The following EIF4G3 variants were observed in gnomAD, a reference collection of about 807,000 sequenced individuals.
EIF4G3 encodes the protein eIF-4-gamma 3.
EIF4G3 carries 34 observed loss-of-function variants against 186.4 expected under a neutral mutation model. The ratio of observed to expected loss-of-function variants is 0.18; its 90% CI spans 0.14 to 0.24. The LOEUF (loss-of-function observed/expected upper bound fraction) is 0.24. Ranked by LOEUF, EIF4G3 falls within the 10% of genes least tolerant of loss-of-function variation. The pLI is 1.00. For missense variants in EIF4G3, 1,536 were observed against 1,948.5 expected (o/e 0.79, Z 3.99); for synonymous variants, 673 against 679.5 (o/e 0.99, Z 0.15).
chr1:20,945,702 C>T (rs1449209501), intron 13 of EIF4G3, among the ~76,000 whole-genome samples: 3 of 152,136 alleles, frequency 2.0e-5, no homozygotes, highest in Non-Finnish European at 2.9e-5. Context: ...TGAGCTCAAG[C>T]AATCCTCCTG....
At chr1:21,009,649 G>A (rs112779311) in intron 4 of EIF4G3, among the ~76,000 whole-genome samples, 1 of 150,822 alleles carries the variant, frequency 6.6e-6, no homozygotes, top group African/African-American at 2.4e-5. Context: ...TTCTTTTTTT[G>A]GGGGGTGCTG....
At chr1:21,084,435 C>T (rs2095892913) in intron 3 of EIF4G3, among the ~76,000 whole-genome samples, 1 of 152,088 alleles carries the variant, frequency 6.6e-6, no homozygotes, top group Admixed American at 6.6e-5. Context: ...AAATCATTCA[C>T]TATCACAAGA....
chr1:20,963,665 G>C (rs1342548356), intron 12 of EIF4G3, among the ~76,000 whole-genome samples: 1 of 152,022 alleles, frequency 6.6e-6, no homozygotes, highest in Non-Finnish European at 1.5e-5. Context: ...AAAATTAAGT[G>C]ATCTTTGGCC....
At chr1:21,156,854 C>T (rs573095701) in intron 2 of EIF4G3, among the ~76,000 whole-genome samples, 1 of 152,186 alleles carries the variant, frequency 6.6e-6, no homozygotes, top group East Asian at 1.9e-4. Context: ...GCCAGAGGAT[C>T]GCTTGAGCCC....
intron 4 of EIF4G3, among the ~76,000 whole-genome samples, chr1:21,023,494 G>A (rs909486636): frequency 1.3e-5 from 2 of 151,982 alleles, no homozygotes; most frequent in East Asian, 1.9e-4. Flanking sequence ...CCCTAACCGC[G>A]AGTGATCCGC....
At chr1:20,896,478 G>GAAAT (rs1009329324) in intron 16 of EIF4G3, among the ~76,000 whole-genome samples, 105 of 146,744 alleles carry the variant, frequency 7.2e-4, no homozygotes, top group African/African-American at 2.3e-3. Context: ...AAAGGAAAAA[G>GAAAT]AAATATTTTT....
At chr1:21,084,790 C>G (rs2095906150) in intron 3 of EIF4G3, among the ~76,000 whole-genome samples, 1 of 151,950 alleles carries the variant, frequency 6.6e-6, no homozygotes, top group Non-Finnish European at 1.5e-5. Flanking sequence ...GTAGAATGGC[C>G]AGTCATTCTC....
chr1:20,814,845 C>G (rs1316428846), intron 34 of EIF4G3, among the ~76,000 whole-genome samples: 1 of 121,790 alleles, frequency 8.2e-6, no homozygotes, highest in African/African-American at 3.1e-5. Context: ...CAAAGCTGGA[C>G]GGTACTGCTG....
chr1:21,021,806 T>G lies in EIF4G3; in HGVS notation c.-66-18998A>C, dbSNP rs549695579. On this transcript the variant is annotated intron_variant, in intron 4 of 36. Transcript: ENST00000602326. ...CCTGAACTCAGGTGATCCACTTGCC[T>G]CAGCCTCCCAAAGTGCTGGGATTAC... Among the ~76,000 whole-genome samples, 4 of 152,276 alleles carry G rather than the reference T, an allele frequency of 2.6e-5. No individual in the cohort carries two copies. The East Asian group carries it at 7.7e-4, about 29-fold the overall frequency.
At chr1:21,047,047 T>A (rs2093933518) in intron 4 of EIF4G3, among the ~76,000 whole-genome samples, 1 of 152,186 alleles carries the variant, frequency 6.6e-6, no homozygotes, top group Admixed American at 6.5e-5. Flanking sequence ...AATTTCCCCC[T>A]ATATGACAGA....
At chr1:20,841,160 A>C (rs1472701133) in intron 29 of EIF4G3, 132 bp from the exon 30 acceptor site, 2 of 842,154 alleles carry the variant, frequency 2.4e-6, no homozygotes, top group Admixed American at 3.1e-5. Flanking sequence ...TTTCAAATAT[A>C]AGTTTATATT....
At chr1:20,874,207 G>C (rs1376914079) in intron 20 of EIF4G3, among the ~76,000 whole-genome samples, 1 of 152,140 alleles carries the variant, frequency 6.6e-6, no homozygotes, top group East Asian at 1.9e-4. Context: ...TATACACCTA[G>C]TAATGGGATT....
intron 4 of EIF4G3, among the ~76,000 whole-genome samples, chr1:21,008,941 A>G (rs569459538): frequency 6.6e-6 from 1 of 152,334 alleles, no homozygotes; most frequent in Admixed American, 6.5e-5. Flanking sequence ...AAGAAATTCC[A>G]GATTGATTAC....
At chr1:20,981,897 T>C (rs529580736) in intron 8 of EIF4G3, among the ~76,000 whole-genome samples, 1 of 152,158 alleles carries the variant, frequency 6.6e-6, no homozygotes, top group East Asian at 1.9e-4. Flanking sequence ...CTGACTCTGA[T>C]AAAGAGTAAG....
intron 15 of EIF4G3, among the ~76,000 whole-genome samples, chr1:20,900,965 A>C (rs1271054137): frequency 6.6e-6 from 1 of 152,212 alleles, no homozygotes; most frequent in Admixed American, 6.5e-5. Context: ...TAATACTAGT[A>C]AATTTTCTTT....
chr1:21,025,660 A>G (rs925011469), intron 4 of EIF4G3, among the ~76,000 whole-genome samples: 3 of 152,234 alleles, frequency 2.0e-5, no homozygotes, highest in Admixed American at 6.5e-5. Context: ...GCCTTATTTT[A>G]TTCTCTCAAA....
At chr1:20,811,112 A>T (rs1339266682) in intron 35 of EIF4G3, among the ~76,000 whole-genome samples, 1 of 151,762 alleles carries the variant, frequency 6.6e-6, no homozygotes. Context: ...CCCAGGCCTG[A>T]CTAATTTTTT....
At chr1:20,913,485 G>A (rs1219662216) in intron 14 of EIF4G3, among the ~76,000 whole-genome samples, 7 of 152,056 alleles carry the variant, frequency 4.6e-5, no homozygotes, top group Admixed American at 3.3e-4. Context: ...TTATATGATC[G>A]TATTACTGTA....
At chr1:21,035,567 G>GC (rs2093125205) in intron 4 of EIF4G3, among the ~76,000 whole-genome samples, 1 of 152,238 alleles carries the variant, frequency 6.6e-6, no homozygotes, top group Admixed American at 6.5e-5. Context: ...GCCCAGCCAG[G>GC]TATGCATAGG....
Sources: allele counts gnomAD v4.1 joint callset (sites outside exome capture counted in the v4.1 genomes callset), GRCh38; gene constraint gnomAD v4.1.1; transcripts MANE v1.5; gene names NCBI Gene and HGNC (gene_info 2026-07-23, HGNC 2026-07-21).